Variants in ADAMTS9 observed in about 807,000 individuals in gnomAD.
ADAMTS9 encodes the protein A disintegrin and metalloproteinase with thrombospondin motifs 9.
ADAMTS9 carries 107 observed loss-of-function variants against 257.1 expected under a neutral mutation model. The ratio of observed to expected loss-of-function variants is 0.42; its 90% confidence interval spans 0.36 to 0.49. The LOEUF is 0.49. Among genes scored for constraint, ADAMTS9 ranks in the 20% least tolerant of loss-of-function variants. The probability of loss-of-function intolerance (pLI) is 0.03; values close to 1 mark genes in which losing one functional copy is unlikely to be tolerated. For synonymous variants in ADAMTS9, 982 were observed against 880.9 expected (o/e 1.11, Z -2.03); for missense variants, 2,353 against 2,469.1 (o/e 0.95, Z 1.00).
At chr3:64,668,075 G>A (rs1376826552) in intron 3 of ADAMTS9, among the ~76,000 whole-genome samples, 1 of 152,126 alleles carries the variant, frequency 6.6e-6, no homozygotes. Flanking sequence ...CTTTCCGCCT[G>A]TCAGGGTGCC....
chr3:64,683,867 G>A (rs906956290), intron 2 of ADAMTS9, among the ~76,000 whole-genome samples: 3 of 152,248 alleles, frequency 2.0e-5, no homozygotes, highest in Admixed American at 6.5e-5. Flanking sequence ...AAGGGAGAAC[G>A]TACTAAGCAT....
At chr3:64,542,426 C>CTTTCT (rs1553701113) in intron 32 of ADAMTS9, among the ~76,000 whole-genome samples, 4 of 20,892 alleles carry the variant, frequency 1.9e-4, no homozygotes, top group African/African-American at 2.8e-4. Context: ...TCATTTCTTT[C>CTTTCT]TTTCTTTTTT....
At chr3:64,565,061 T>C (rs1283048886) in intron 29 of ADAMTS9, among the ~76,000 whole-genome samples, 1 of 152,172 alleles carries the variant, frequency 6.6e-6, no homozygotes, top group Non-Finnish European at 1.5e-5. Context: ...CTTCAAACAA[T>C]TCAATACCAA....
chr3:64,685,496 G>A (rs1293641546), intron 2 of ADAMTS9, among the ~76,000 whole-genome samples: 1 of 152,200 alleles, frequency 6.6e-6, no homozygotes, highest in African/African-American at 2.4e-5. Flanking sequence ...CGTCACACGC[G>A]CGTGGCAGAA....
intron 4 of ADAMTS9, among the ~76,000 whole-genome samples, chr3:64,657,544 ATGCCCAGGC>A (rs777867928): frequency 2.6e-5 from 4 of 151,730 alleles, no homozygotes; most frequent in Non-Finnish European, 5.9e-5. Flanking sequence ...TCTTGCTATA[ATGCCCAGGC>A]TGGTCTTAAA....
At chr3:64,683,033 G>T (rs1028361555) in intron 2 of ADAMTS9, among the ~76,000 whole-genome samples, 2 of 152,150 alleles carry the variant, frequency 1.3e-5, no homozygotes, top group African/African-American at 4.8e-5. Flanking sequence ...TTAAGAAAAG[G>T]GCAGCTCAGG....
At chr3:64,684,557 AG>A (rs1462361313) in intron 2 of ADAMTS9, among the ~76,000 whole-genome samples, 2 of 152,178 alleles carry the variant, frequency 1.3e-5, no homozygotes, top group Non-Finnish European at 2.9e-5. Context: ...ACAAAGGGGC[AG>A]GGGTTTTGGA....
intron 36 of ADAMTS9, 120 bp from the exon 37 acceptor site, chr3:64,539,414 G>T: frequency 1.2e-6 from 1 of 810,658 alleles, no homozygotes; most frequent in East Asian, 2.7e-5. Context: ...GAATGGGAGA[G>T]AAAGAAGCAA....
intron 22 of ADAMTS9, among the ~76,000 whole-genome samples, chr3:64,609,190 C>T (rs1576113245): frequency 6.6e-6 from 1 of 152,028 alleles, no homozygotes; most frequent in African/African-American, 2.4e-5. Flanking sequence ...AGAGTAAAAA[C>T]TTTTCCCCAC....
chr3:64,658,768 C>CTTTA lies in ADAMTS9; in HGVS notation c.699_702dup (p.Asp235Ter). ...TTTCTTGCTCTGGTTTTCTTCTTGT[C>CTTTA]TTTACTGTGCCTATTTTTGTGTTCT... is the stretch of plus-strand genomic sequence containing the variant. On this transcript the variant is annotated stop_gained and frameshift_variant, in exon 4 of 40. Coordinates refer to ENST00000498707, the MANE Select transcript of ADAMTS9 (RefSeq NM_182920.2). LOFTEE classifies it high-confidence loss of function. 2 of 1,613,574 alleles carry CTTTA rather than the reference C, an allele frequency of 1.2e-6. No individual in the cohort carries two copies. Among genetic ancestry groups the CTTTA allele is most frequent in the Non-Finnish European group, 1.7e-6 (2 of 1,179,760 alleles).
chr3:64,686,478 G>A lies in ADAMTS9; in HGVS notation c.516+90C>T. On this transcript the variant is annotated intron_variant, in intron 2 of 39. Transcript: ENST00000498707. This position sits in a 1 kb window ranked among gnomAD's most constrained non-coding sequence, Gnocchi z 4.6. ...CGGAGAGGAGCGGAGCCTCGCCACA[G>A]TGAGGGTCTCTAGGCTTAGAGGACA... 3 of 1,443,746 alleles carry A rather than the reference G, an allele frequency of 2.1e-6. No homozygotes were observed. The highest frequency in any genetic ancestry group is 2.8e-6 in the Non-Finnish European group (3 of 1,086,760). The allele number at this position is 1,443,746 out of a possible 1,614,324, so 89.4% of individuals were successfully genotyped here.
At chr3:64,655,476 G>C in intron 6 of ADAMTS9, 100 bp downstream of exon 6, 1 of 1,008,394 alleles carries the variant, frequency 9.9e-7, no homozygotes, top group East Asian at 2.4e-5. Flanking sequence ...TGCCTAAGCT[G>C]AGAAACCCTC....
intron 28 of ADAMTS9, among the ~76,000 whole-genome samples, chr3:64,576,766 G>A (rs538066611): frequency 3.0e-4 from 45 of 152,308 alleles, no homozygotes; most frequent in African/African-American, 1.0e-3. Flanking sequence ...CCTTTGCAAC[G>A]CTACAAAGGT....
intron 22 of ADAMTS9, among the ~76,000 whole-genome samples, chr3:64,607,659 G>A (rs923128896): frequency 1.4e-4 from 22 of 152,150 alleles, no homozygotes; most frequent in African/African-American, 5.3e-4. Flanking sequence ...CACAGAAATG[G>A]CAGACTAGGG....
chr3:64,522,394 C>A, intron 38 of ADAMTS9, 134 bp from the exon 39 acceptor site: 2 of 715,786 alleles, frequency 2.8e-6, no homozygotes, highest in Non-Finnish European at 4.7e-6. Context: ...AACATACTCA[C>A]CATGGTCTAA....
At chr3:64,569,742 A>G (rs958859176) in intron 28 of ADAMTS9, among the ~76,000 whole-genome samples, 1 of 152,224 alleles carries the variant, frequency 6.6e-6, no homozygotes, top group African/African-American at 2.4e-5. Flanking sequence ...ACGTATATTA[A>G]TACATTTGGC....
chr3:64,577,016 T>A (rs1328991753), intron 28 of ADAMTS9, among the ~76,000 whole-genome samples: 1 of 152,172 alleles, frequency 6.6e-6, no homozygotes, highest in Non-Finnish European at 1.5e-5. Flanking sequence ...AACAACTTCA[T>A]ATTAGAGGGG....
At chr3:64,547,832 C>T (rs1295561666) in intron 31 of ADAMTS9, among the ~76,000 whole-genome samples, 6 of 151,946 alleles carry the variant, frequency 3.9e-5, no homozygotes, top group Non-Finnish European at 5.9e-5. Context: ...GTTATAGTGT[C>T]CCAACTTTCA....
At chr3:64,676,589 T>C (rs959937513) in intron 3 of ADAMTS9, among the ~76,000 whole-genome samples, 1 of 152,192 alleles carries the variant, frequency 6.6e-6, no homozygotes, top group African/African-American at 2.4e-5. Flanking sequence ...ATATATTCTG[T>C]GTTTGGTAAC....
Sources: gnomAD v4.1 joint callset for allele counts (sites outside exome capture counted in the v4.1 genomes callset) on GRCh38, gnomAD v4.1.1 for gene constraint, Gnocchi (gnomAD v3.1) non-coding constraint, MANE v1.5 for transcripts, NCBI Gene and HGNC (gene_info 2026-07-23, HGNC 2026-07-21) for gene names.